Variants in SMARCB1 observed in about 807,000 individuals in gnomAD.
SMARCB1 encodes the protein SWI/SNF-related matrix-associated actin-dependent regulator of chromatin subfamily B member 1.
SMARCB1 carries 5 observed loss-of-function variants against 49.0 expected under a neutral mutation model. The ratio of observed to expected loss-of-function variants is 0.10; its 90% CI spans 0.05 to 0.21. The LOEUF (loss-of-function observed/expected upper bound fraction) is 0.21, where lower values mean the gene tolerates loss of function less well. Ranked by LOEUF, SMARCB1 falls within the 10% of genes least tolerant of loss-of-function variation. The pLI, the probability that SMARCB1 is intolerant of heterozygous loss-of-function variation, is 1.00. For missense variants in SMARCB1, 226 were observed against 509.2 expected (o/e 0.44, Z 5.35); for synonymous variants, 201 against 200.1 (o/e 1.00, Z -0.04).
chr22:23,818,140 GTGT>G (rs2029886079), intron 6 of SMARCB1: 21 of 50,504 alleles, frequency 4.2e-4, no homozygotes, highest in East Asian at 2.6e-3. Context: ...TACTTTGGGT[GTGT>G]GTGTGTGTGT....
At position 23,826,851 on chromosome 22, in the gene SMARCB1, C is replaced by T. The variant is rs1054210506; in HGVS notation, c.986+1436C>T. 3.9e-5 allele frequency among the ~76,000 whole-genome samples: 6 copies of T among 152,210 alleles called. No individual in the cohort carries two copies. In the East Asian group the frequency reaches 9.6e-4, roughly 24 times the overall value. ...GGAAACAGCTGAGTCCCTGCCTGAGCGCCATGGTGCTGAGATCCTGTGACC... is the reference window on the plus strand; with the variant it reads ...GGAAACAGCTGAGTCCCTGCCTGAGTGCCATGGTGCTGAGATCCTGTGACC... On this transcript the variant is annotated intron_variant, in intron 7 of 8. Coordinates refer to ENST00000644036, the MANE Select transcript of SMARCB1 (RefSeq NM_003073.5).
rs562036150 is a variant in SMARCB1 at position 23,816,644 on chromosome 22, C to T, written c.629-126C>T. On this transcript the variant is annotated intron_variant, in intron 5 of 8. Transcript: ENST00000644036. ...TCCCAGTTTCCAGGAAGGCCACCCC[C>T]AGTGCCCTGGTTGTCCTCTCCTGCA... The T allele has an allele frequency of 1.5e-4, 137 of 903,072 alleles. No homozygotes were observed. In the African/African-American group the frequency reaches 1.9e-3, roughly 13 times the overall value. The allele number at this position is 903,072 out of a possible 1,614,324, so 55.9% of individuals were successfully genotyped here. A position where few individuals can be genotyped will look rare whatever the true frequency, so the allele number is the denominator to read the frequency against.
Position 23,836,764 on chromosome 22 carries a change from C to T in SMARCB1, c.*2584C>T, listed in dbSNP as rs917353917. 47 of 1,393,632 alleles carry T rather than the reference C, an allele frequency of 3.4e-5. No homozygotes were observed. The highest frequency in any genetic ancestry group is 4.3e-5 in the Non-Finnish European group (46 of 1,076,120). 86.3% of individuals were successfully genotyped at this position (1,393,632 alleles called of 1,614,324 possible). A position where few individuals can be genotyped will look rare whatever the true frequency, so the allele number is the denominator to read the frequency against. ...CTCATTCTGTTTATTCAGGTGGGCCCTTGCATGGGCCCAGCCTTTAGGATG... is the reference window on the plus strand; with the variant it reads ...CTCATTCTGTTTATTCAGGTGGGCCTTTGCATGGGCCCAGCCTTTAGGATG... On this transcript the variant is annotated 3_prime_UTR_variant, in exon 9 of 9. Coordinates refer to ENST00000644036, the MANE Select transcript of SMARCB1 (RefSeq NM_003073.5).
chr22:23,833,392 T>C (rs1338887074), intron 7 of SMARCB1, among the ~76,000 whole-genome samples, 180 bp from the exon 8 acceptor site: 1 of 152,174 alleles, frequency 6.6e-6, no homozygotes, highest in Non-Finnish European at 1.5e-5. Flanking sequence ...CGACAACACT[T>C]GTTATGGAAA....
intron 7 of SMARCB1, 173 bp downstream of exon 7, chr22:23,825,588 G>A (rs2030341990): frequency 1.6e-6 from 1 of 618,584 alleles, no homozygotes. Flanking sequence ...TCTCTCCAGG[G>A]CTCCGCTGTG....
chr22:23,812,184 G>A (rs28849747), intron 5 of SMARCB1, among the ~76,000 whole-genome samples: 14,792 of 152,186 alleles, frequency 0.097, 2,157 homozygotes, highest in African/African-American at 0.32. Context: ...GGCCAGGCAC[G>A]GTGGCTCTTA....
intron 7 of SMARCB1, among the ~76,000 whole-genome samples, chr22:23,826,759 C>G (rs2030401507): frequency 6.6e-6 from 1 of 152,238 alleles, no homozygotes; most frequent in African/African-American, 2.4e-5. Flanking sequence ...CTTTCTATGA[C>G]TTCCCATAAA....
chr22:23,834,973 C>T lies in SMARCB1; in HGVS notation c.*793C>T, dbSNP rs371249550. The T allele has an allele frequency of 7.1e-5, 109 of 1,545,484 alleles. No homozygotes were observed. Among genetic ancestry groups the T allele is most frequent in the Admixed American group, 1.7e-4 (9 of 51,570 alleles). ...TCCTGTGTGGGCACTGCTGGGCTGT[C>T]GCCAGCCTGGGTGCAGGAGGGCTGT... On this transcript the variant is annotated 3_prime_UTR_variant, in exon 9 of 9. Coordinates refer to ENST00000644036, the MANE Select transcript of SMARCB1 (RefSeq NM_003073.5).
At chr22:23,830,435 A>G (rs1370775965) in intron 7 of SMARCB1, among the ~76,000 whole-genome samples, 1 of 152,034 alleles carries the variant, frequency 6.6e-6, no homozygotes, top group East Asian at 1.9e-4. Flanking sequence ...CTGTTTGTGT[A>G]TCTTCTTTGG....
rs992198711 is a variant in SMARCB1, at chr22:23,833,700, C to T, written c.1115C>T (p.Thr372Met). The change falls in exon 8 of 9, where the codon ACG (threonine) becomes ATG (methionine). Residue 372 changes from threonine (T) to methionine (M), a missense_variant. Coordinates refer to ENST00000644036, the MANE Select transcript of SMARCB1 (RefSeq NM_003073.5). ...AAGATCCGCGACCAGGACAGGAACA[C>T]GAGGTACCCCTGGCCCTGTGGTCCT... ...EKKIRDQDRN[T>M]RRMRRLANTA... 4.3e-6 allele frequency: 7 copies of T among 1,613,936 alleles called. No individual in the cohort carries two copies. Among genetic ancestry groups the T allele is most frequent in the Non-Finnish European group, 1.7e-6 (2 of 1,180,044 alleles).
At chr22:23,800,025 C>A (rs946894592) in intron 3 of SMARCB1, among the ~76,000 whole-genome samples, 1 of 152,100 alleles carries the variant, frequency 6.6e-6, no homozygotes, top group Non-Finnish European at 1.5e-5. Context: ...GACAGGGTTT[C>A]ACCATGTTGG....
At chr22:23,800,779 C>T (rs918637530) in intron 3 of SMARCB1, among the ~76,000 whole-genome samples, 165 bp from the exon 4 acceptor site, 1 of 152,296 alleles carries the variant, frequency 6.6e-6, no homozygotes, top group African/African-American at 2.4e-5. Context: ...CATCTGATGA[C>T]AGCCTGGGGA....
chr22:23,810,249 C>T (rs941111691), intron 5 of SMARCB1, among the ~76,000 whole-genome samples: 3 of 144,994 alleles, frequency 2.1e-5, no homozygotes, highest in African/African-American at 5.1e-5. Context: ...AAATGATTGC[C>T]GGCATGGTGG....
intron 5 of SMARCB1, among the ~76,000 whole-genome samples, chr22:23,808,994 G>T (rs9612439): frequency 1.3e-5 from 2 of 151,154 alleles, no homozygotes; most frequent in Admixed American, 6.6e-5. Context: ...CACTGTGCTC[G>T]GCCAATTTTT....
chr22:23,810,141 C>T (rs1487896848), intron 5 of SMARCB1, among the ~76,000 whole-genome samples: 2 of 150,316 alleles, frequency 1.3e-5, no homozygotes, highest in African/African-American at 4.9e-5. Flanking sequence ...CATTGCACTC[C>T]AGCCTGGGTG....
chr22:23,809,520 C>T (rs987117120), intron 5 of SMARCB1, among the ~76,000 whole-genome samples: 14 of 151,850 alleles, frequency 9.2e-5, no homozygotes, highest in Admixed American at 7.9e-4. Context: ...AGGTGATCCG[C>T]CCACCTCGGC....
At chr22:23,787,305 C>T (rs928005331) in intron 1 of SMARCB1, 43 bp downstream of exon 1, 13 of 1,253,806 alleles carry the variant, frequency 1.0e-5, no homozygotes, top group African/African-American at 9.3e-5. Context: ...CTCGGCCCCG[C>T]GGGAGCCCCG....
At position 23,836,580 on chromosome 22, in the gene SMARCB1, G is replaced by C; in HGVS notation, c.*2400G>C. ...TGGCAACCTGTGAGCTCAAAGCTCT[G>C]CCAGGCAACCATGGGCAGTTTCTTT... On this transcript the variant is annotated 3_prime_UTR_variant, in exon 9 of 9. Transcript: ENST00000644036. 8.7e-7 allele frequency: 1 copy of C among 1,143,458 alleles called. No homozygotes were observed. The highest frequency in any genetic ancestry group is 1.1e-6 in the Non-Finnish European group (1 of 932,976). The allele number at this position is 1,143,458 out of a possible 1,614,324, so 70.8% of individuals were successfully genotyped here. A position where few individuals can be genotyped will look rare whatever the true frequency, so the allele number is the denominator to read the frequency against.
rs1160510750 is a variant in SMARCB1, at chr22:23,797,299, G to GT, written c.362+3620dup. On this transcript the variant is annotated intron_variant, in intron 3 of 8. Transcript: ENST00000644036. The stretch of plus-strand genomic sequence containing the variant: ...AGGCGTGAGCCACCGGGCCTGGCCT[G>GT]TTTTTTTTTATTATTATTATTTTTT... Among the ~76,000 whole-genome samples, 380 of 136,602 alleles carry GT rather than the reference G, an allele frequency of 2.8e-3. 2 individuals are homozygous for GT. Among genetic ancestry groups the GT allele is most frequent in the South Asian group, 0.019 (86 of 4,446 alleles). The allele number at this position is 136,602 out of a possible 152,430, so 89.6% of individuals were successfully genotyped here.
Sources: gnomAD v4.1 joint callset for allele counts (sites outside exome capture counted in the v4.1 genomes callset) on GRCh38, gnomAD v4.1.1 for gene constraint, MANE v1.5 for transcripts, NCBI Gene and HGNC (gene_info 2026-07-23, HGNC 2026-07-21) for gene names.